PLEKHA8: variants seen among roughly 807,000 people sequenced by gnomAD.
PLEKHA8 encodes pleckstrin homology domain containing A8, also known as pleckstrin homology domain-containing family A member 8.
PLEKHA8 carries 36 observed loss-of-function variants against 68.2 expected under a neutral mutation model. The ratio of observed to expected loss-of-function variants is 0.53; its 90% confidence interval spans 0.40 to 0.70. PLEKHA8 has a LOEUF of 0.70. Among genes scored for constraint, PLEKHA8 ranks in the 30% least tolerant of loss-of-function variants. The pLI is 0.00. For missense variants in PLEKHA8, 505 were observed against 615.4 expected (o/e 0.82, Z 1.90); for synonymous variants, 211 against 216.1 (o/e 0.98, Z 0.20).
chr7:30,047,763 G>C (rs763731021), intron 3 of PLEKHA8, 69 bp from the exon 4 acceptor site: 23 of 1,463,066 alleles, frequency 1.6e-5, no homozygotes, highest in Non-Finnish European at 2.1e-5. Context: ...TTCCTCTTCT[G>C]CATAGTATCC....
rs1562870138 is a variant in PLEKHA8 at position 30,056,338 on chromosome 7, CA to C, written c.1039+997del. Among the ~76,000 whole-genome samples, 389 of 101,816 alleles carry C rather than the reference CA, an allele frequency of 3.8e-3. 1 individual carries two copies. Among genetic ancestry groups the C allele is most frequent in the African/African-American group, 7.8e-3 (213 of 27,448 alleles). The allele number at this position is 101,816 out of a possible 152,430, so 66.8% of individuals were successfully genotyped here. On this transcript the variant is annotated intron_variant, in intron 9 of 13. Transcript: ENST00000449726. ...TATATATATATATATATATAAATAA[CA>C]TATATATAATATATATAACACATAT... is the stretch of plus-strand genomic sequence containing the variant.
intron 1 of PLEKHA8, among the ~76,000 whole-genome samples, chr7:30,037,580 C>G (rs984045384): frequency 6.6e-6 from 1 of 152,184 alleles, no homozygotes; most frequent in Non-Finnish European, 1.5e-5. Context: ...GAAACTAAAG[C>G]TGAAAGAAGT....
chr7:30,032,470 A>G (rs926315526), intron 1 of PLEKHA8, among the ~76,000 whole-genome samples: 1 of 152,220 alleles, frequency 6.6e-6, no homozygotes, highest in Non-Finnish European at 1.5e-5. Context: ...CAATTTCAAA[A>G]AACAGTTGCC....
chr7:30,098,298 G>A (rs1036795131), intron 13 of PLEKHA8, among the ~76,000 whole-genome samples: 7 of 152,232 alleles, frequency 4.6e-5, no homozygotes, highest in Non-Finnish European at 8.8e-5. Flanking sequence ...GAGGCAGTCT[G>A]CCTGTTCTCA....
intron 13 of PLEKHA8, among the ~76,000 whole-genome samples, chr7:30,124,769 T>TGTTGC (rs1452376326): frequency 6.6e-6 from 1 of 152,202 alleles, no homozygotes; most frequent in Non-Finnish European, 1.5e-5. Flanking sequence ...TTTTTAATCA[T>TGTTGC]GTTGCCTTCT....
In PLEKHA8 at chr7:30,096,089, G is replaced by A. The variant is rs186780923; in HGVS notation, c.1362+21957G>A. On this transcript the variant is annotated intron_variant, in intron 13 of 13. Transcript: ENST00000396257. ...AGTCATTGGTAGCTTGATGGGGATG[G>A]CATTTAATCTATAAATTACCTTGGG... 3.2e-3 allele frequency among the ~76,000 whole-genome samples: 481 copies of A among 152,242 alleles called. 2 individuals are homozygous for A. Among genetic ancestry groups the A allele is most frequent in the Admixed American group, 7.3e-3 (111 of 15,298 alleles).
In PLEKHA8 at chr7:30,083,131, T is replaced by C; in HGVS notation, c.*4344T>C. ...GCCATTGTTCTGTTAGCTGAGCTGA[T>C]GTGTTTGGTCTTAGAGGGCCTGACT... is the stretch of plus-strand genomic sequence containing the variant. On this transcript the variant is annotated 3_prime_UTR_variant, in exon 14 of 14. Transcript: ENST00000449726. 1 of 984,404 alleles carries C rather than the reference T, an allele frequency of 1.0e-6. No individual in the cohort carries two copies. Among genetic ancestry groups the C allele is most frequent in the Non-Finnish European group, 1.2e-6 (1 of 828,998 alleles). 61.0% of individuals were successfully genotyped at this position (984,404 alleles called of 1,614,324 possible). A position where few individuals can be genotyped will look rare whatever the true frequency, so the allele number is the denominator to read the frequency against.
At chr7:30,048,621 G>T (rs1370421769) in intron 4 of PLEKHA8, among the ~76,000 whole-genome samples, 2 of 152,210 alleles carry the variant, frequency 1.3e-5, no homozygotes, top group Non-Finnish European at 2.9e-5. Flanking sequence ...ATTAACCAGA[G>T]TCTCTGCTCT....
In PLEKHA8 at chr7:30,062,000, C is replaced by T. The variant is rs777289619; in HGVS notation, c.1202C>T (p.Ala401Val). ...EADVAQVRNS[A>V]TEALLWLKRG... ...GATGTAGCCCAGGTTAGGAACTCAG[C>T]GACTGAAGCCCTCTTGTGGCTGAAG... Residue 401 changes from alanine to valine, a missense_variant, in exon 11 of 14, where the codon GCG (alanine) becomes GTG (valine). Physicochemically the swap from Ala to Val is moderately conservative, Grantham distance 64 (BLOSUM62 0). Transcript: ENST00000449726. The T allele has an allele frequency of 1.2e-5, 19 of 1,613,492 alleles. No homozygotes were observed. The highest frequency in any genetic ancestry group is 6.6e-5 in the South Asian group (6 of 90,962).
In PLEKHA8 at chr7:30,062,525, G is replaced by A. The variant is rs2127989068; in HGVS notation, c.1230-147G>A. On this transcript the variant is annotated intron_variant, in intron 11 of 13. Coordinates refer to ENST00000449726, the MANE Select transcript of PLEKHA8 (RefSeq NM_001197026.2). ...AGCTAAAGGGAAGTGAAGGGAAGAG[G>A]TTCAGGAAGGACTGCCATATGATTT... The A allele has an allele frequency of 6.0e-6, 4 of 663,532 alleles. No individual in the cohort carries two copies. The South Asian group carries it at 6.7e-5, about 11-fold the overall frequency. The allele number at this position is 663,532 out of a possible 1,614,324, so 41.1% of individuals were successfully genotyped here.
At chr7:30,130,037 G>C (rs1478040859), downstream of PLEKHA8, 1 of 152,162 alleles carries the variant, frequency 6.6e-6, no homozygotes, top group Non-Finnish European at 1.5e-5. Flanking sequence ...AAGAGATAAG[G>C]CTGCCATAGA....
chr7:30,096,852 A>G (rs1237274917), intron 13 of PLEKHA8, among the ~76,000 whole-genome samples: 2 of 152,118 alleles, frequency 1.3e-5, no homozygotes, highest in Non-Finnish European at 2.9e-5. Context: ...TTATGTGTGA[A>G]TTTGATCCTG....
downstream of PLEKHA8, among the ~76,000 whole-genome samples, chr7:30,089,336 G>A (rs763492745): frequency 3.3e-4 from 25 of 76,172 alleles, no homozygotes; most frequent in Non-Finnish European, 5.0e-4. Flanking sequence ...CAAGAAGCCC[G>A]CCCCCCCACT....
downstream of PLEKHA8, among the ~76,000 whole-genome samples, chr7:30,089,408 C>T (rs903119628): frequency 6.7e-6 from 1 of 150,012 alleles, no homozygotes; most frequent in African/African-American, 2.5e-5. Context: ...CTATGACCAA[C>T]CTCTGTTCTG....
At chr7:30,088,798 G>A (rs979439346), downstream of PLEKHA8, among the ~76,000 whole-genome samples, 2 of 151,988 alleles carry the variant, frequency 1.3e-5, no homozygotes, top group African/African-American at 4.8e-5. Context: ...CACTAGAGGG[G>A]ATTGGCAAGA....
intron 1 of PLEKHA8, among the ~76,000 whole-genome samples, chr7:30,031,308 G>A (rs1406809172): frequency 3.3e-5 from 5 of 152,164 alleles, no homozygotes; most frequent in Non-Finnish European, 7.3e-5. Context: ...AGGCTAGTAC[G>A]GGTTGTTAGA....
At chr7:30,065,741 ACACT>A (rs1375487892) in intron 12 of PLEKHA8, among the ~76,000 whole-genome samples, 1 of 152,208 alleles carries the variant, frequency 6.6e-6, no homozygotes, top group Non-Finnish European at 1.5e-5. Flanking sequence ...TGTAACTACT[ACACT>A]AAGTTTTTGA....
At chr7:30,077,605 G>A (rs1398736884) in intron 13 of PLEKHA8, among the ~76,000 whole-genome samples, 1 of 152,182 alleles carries the variant, frequency 6.6e-6, no homozygotes, top group Non-Finnish European at 1.5e-5. Context: ...GTATGTGAAA[G>A]ATCTGAGATT....
chr7:30,079,839 CTAGAT>C lies in PLEKHA8; in HGVS notation c.*1055_*1059del. 1 of 944,684 alleles carries C rather than the reference CTAGAT, an allele frequency of 1.1e-6. No homozygotes were observed. The highest frequency in any genetic ancestry group is 1.3e-6 in the Non-Finnish European group (1 of 793,594). 58.5% of individuals were successfully genotyped at this position (944,684 alleles called of 1,614,324 possible). On this transcript the variant is annotated 3_prime_UTR_variant, in exon 14 of 14. Transcript: ENST00000449726. ...TTCTGCACACAGTATTGAAGAGCAA[CTAGAT>C]TAAATTCTAGTTTACAAAATTACCA...
Sources: gnomAD v4.1 joint callset for allele counts (sites outside exome capture counted in the v4.1 genomes callset) on GRCh38, gnomAD v4.1.1 for gene constraint, MANE v1.5 for transcripts, NCBI Gene and HGNC (gene_info 2026-07-23, HGNC 2026-07-21) for gene names.